The following SORCS3 variants were observed in gnomAD, a reference collection of about 807,000 sequenced individuals.
The protein encoded by SORCS3 is VPS10 domain-containing receptor SorCS3.
A neutral mutation model predicts 146.3 loss-of-function variants in SORCS3; 57 were observed. That is an observed-to-expected ratio of 0.39 (90% CI 0.31 to 0.49). SORCS3 has a LOEUF of 0.49. Ranked by LOEUF, SORCS3 falls within the 20% of genes least tolerant of loss-of-function variation. The probability of loss-of-function intolerance (pLI) is 0.92; values close to 1 mark genes in which losing one functional copy is unlikely to be tolerated. For synonymous variants in SORCS3, 653 were observed against 618.5 expected (o/e 1.06, Z -0.83); for missense variants, 1,341 against 1,575.5 (o/e 0.85, Z 2.52).
At chr10:105,060,290 A>C (rs571245865) in intron 5 of SORCS3, among the ~76,000 whole-genome samples, 1 of 152,144 alleles carries the variant, frequency 6.6e-6, no homozygotes, top group South Asian at 2.1e-4. Flanking sequence ...TGTGTTTAGG[A>C]AATTGTTAGT....
chr10:104,738,887 C>T (rs1002585169), intron 1 of SORCS3, among the ~76,000 whole-genome samples: 2 of 152,162 alleles, frequency 1.3e-5, no homozygotes, highest in Non-Finnish European at 2.9e-5. Context: ...ACAGGTGAGT[C>T]AGCTAACTCT....
At chr10:105,152,511 A>T (rs1589657633) in intron 9 of SORCS3, among the ~76,000 whole-genome samples, 1 of 152,160 alleles carries the variant, frequency 6.6e-6, no homozygotes, top group East Asian at 1.9e-4. Context: ...TATATGCTAA[A>T]TTTTCACCAG....
chr10:105,098,254 C>T (rs140691133), intron 6 of SORCS3, among the ~76,000 whole-genome samples: 137 of 152,296 alleles, frequency 9.0e-4, no homozygotes, highest in Non-Finnish European at 1.5e-3. Context: ...CTGCAGACTG[C>T]TTGCCTTCTG....
rs1564661061 is a variant in SORCS3, at chr10:104,696,272, C to CATATAAT, written c.627+54322_627+54323insAATATAT. On this transcript the variant is annotated intron_variant, in intron 1 of 26. Transcript: ENST00000369701. ...TGATATATGATATATATCATATACA[C>CATATAAT]ATATGATATATGATATATATCATAT... is the stretch of plus-strand genomic sequence containing the variant. Among the ~76,000 whole-genome samples, 6 of 105,106 alleles carry CATATAAT rather than the reference C, an allele frequency of 5.7e-5. 1 individual carries two copies. The highest frequency in any genetic ancestry group is 1.9e-4 in the African/African-American group (5 of 26,086). The allele number at this position is 105,106 out of a possible 152,430, so 69.0% of individuals were successfully genotyped here.
chr10:104,693,789 AAGG>A lies in SORCS3; in HGVS notation c.627+51841_627+51843del, dbSNP rs141442774. On this transcript the variant is annotated intron_variant, in intron 1 of 26. Coordinates refer to ENST00000369701, the MANE Select transcript of SORCS3 (RefSeq NM_014978.3). ...AGTCCCTAGGTTGGAAACATTATCC[AAGG>A]AGGAGATTCTTTTATTTACCTTTCT... Among the ~76,000 whole-genome samples, 788 of 152,200 alleles carry A rather than the reference AAGG, an allele frequency of 5.2e-3. 9 individuals carry two copies. The highest frequency in any genetic ancestry group is 0.014 in the African/African-American group (598 of 41,526).
chr10:104,978,421 G>C (rs1589576464), intron 4 of SORCS3, among the ~76,000 whole-genome samples: 2 of 152,180 alleles, frequency 1.3e-5, no homozygotes, highest in Admixed American at 6.5e-5. Flanking sequence ...ACATAGCATT[G>C]TCTGTCTCTT....
At chr10:104,646,596 G>C (rs1262135099) in intron 1 of SORCS3, among the ~76,000 whole-genome samples, 4 of 152,206 alleles carry the variant, frequency 2.6e-5, no homozygotes, top group Non-Finnish European at 5.9e-5. Flanking sequence ...CCAAGGCTAG[G>C]TATAGATTGG....
At chr10:104,714,982 T>G (rs539252964) in intron 1 of SORCS3, among the ~76,000 whole-genome samples, 1 of 151,948 alleles carries the variant, frequency 6.6e-6, no homozygotes, top group Admixed American at 6.6e-5. Context: ...ATATGTGGGG[T>G]TGGGAGGAAT....
In SORCS3 at chr10:104,667,869, T is replaced by G. The variant is rs541895927; in HGVS notation, c.627+25915T>G. 2.0e-5 allele frequency among the ~76,000 whole-genome samples: 3 copies of G among 152,328 alleles called. No individual in the cohort carries two copies. In the South Asian group the frequency reaches 6.2e-4, roughly 32 times the overall value. ...AGGGTTCTAAGAGCTGGGGGTGCTT[T>G]GCCATGGACCTCCTCTGGGAGCTGC... On this transcript the variant is annotated intron_variant, in intron 1 of 26. Transcript: ENST00000369701.
At chr10:104,853,144 A>G (rs1158072579) in intron 2 of SORCS3, among the ~76,000 whole-genome samples, 1 of 152,204 alleles carries the variant, frequency 6.6e-6, no homozygotes, top group African/African-American at 2.4e-5. Context: ...CTAAAAATAC[A>G]AAAAGTTAGG....
intron 2 of SORCS3, among the ~76,000 whole-genome samples, chr10:104,858,513 T>A (rs1458672034): frequency 6.6e-6 from 1 of 152,238 alleles, no homozygotes; most frequent in Non-Finnish European, 1.5e-5. Flanking sequence ...ATCTCGATAC[T>A]TAAATCTTTG....
chr10:104,917,947 T>C (rs984194468), intron 3 of SORCS3, among the ~76,000 whole-genome samples: 2 of 152,218 alleles, frequency 1.3e-5, no homozygotes, highest in Non-Finnish European at 2.9e-5. Flanking sequence ...AACATGAGAG[T>C]GCAGAAATCT....
chr10:104,790,323 G>A (rs1209513555), intron 1 of SORCS3, among the ~76,000 whole-genome samples: 1 of 150,224 alleles, frequency 6.7e-6, no homozygotes, highest in African/African-American at 2.4e-5. Context: ...GGAGAAGTAA[G>A]AGAAGAGGGG....
intron 13 of SORCS3, among the ~76,000 whole-genome samples, chr10:105,172,870 A>G (rs1415900652): frequency 6.6e-6 from 1 of 152,144 alleles, no homozygotes; most frequent in Non-Finnish European, 1.5e-5. Context: ...GCCAGAAAAT[A>G]TTTAACTTGT....
At chr10:104,771,060 T>C (rs934917441) in intron 1 of SORCS3, among the ~76,000 whole-genome samples, 2 of 152,166 alleles carry the variant, frequency 1.3e-5, no homozygotes, top group African/African-American at 4.8e-5. Context: ...ATCCAAATGC[T>C]TGATAGCCAC....
chr10:104,780,649 T>TG (rs2017364064), intron 1 of SORCS3, among the ~76,000 whole-genome samples: 1 of 152,270 alleles, frequency 6.6e-6, no homozygotes, highest in South Asian at 2.1e-4. Context: ...ACCAGATCTC[T>TG]GGGTGGGATG....
chr10:104,792,708 C>G (rs2017508907), intron 1 of SORCS3, among the ~76,000 whole-genome samples: 1 of 152,104 alleles, frequency 6.6e-6, no homozygotes, highest in South Asian at 2.1e-4. Context: ...TTGAAAGAAG[C>G]CTCTTTCATA....
intron 1 of SORCS3, among the ~76,000 whole-genome samples, chr10:104,691,613 T>C (rs1454162968): frequency 2.6e-5 from 4 of 152,246 alleles, no homozygotes; most frequent in Non-Finnish European, 5.9e-5. Flanking sequence ...ACTCAAGACA[T>C]GGAGCAGATG....
At chr10:104,955,559 C>A (rs978820781) in intron 3 of SORCS3, among the ~76,000 whole-genome samples, 5 of 152,120 alleles carry the variant, frequency 3.3e-5, no homozygotes, top group Non-Finnish European at 7.4e-5. Context: ...ATTATTTGTA[C>A]AAAATATTCC....
Sources: allele counts gnomAD v4.1 joint callset (sites outside exome capture counted in the v4.1 genomes callset), GRCh38; gene constraint gnomAD v4.1.1; transcripts MANE v1.5; gene names NCBI Gene and HGNC (gene_info 2026-07-23, HGNC 2026-07-21).